Variants in SYNE2 observed in about 807,000 individuals in gnomAD.
SYNE2 encodes nesprin-2.
In SYNE2, 431 loss-of-function variants were observed where a neutral mutation model predicts 856.3. The observed-to-expected ratio is 0.50, with a 90% CI of 0.47 to 0.55. The LOEUF is 0.55. Among genes scored for constraint, SYNE2 ranks in the 20% least tolerant of loss-of-function variants. The pLI is 0.00. For missense variants in SYNE2, 8,129 were observed against 8,023.2 expected (o/e 1.01, Z -0.50); for synonymous variants, 2,923 against 2,872.3 (o/e 1.02, Z -0.56).
chr14:64,032,905 C>T (rs2097052436), intron 45 of SYNE2, among the ~76,000 whole-genome samples: 1 of 152,192 alleles, frequency 6.6e-6, no homozygotes, highest in Non-Finnish European at 1.5e-5. Flanking sequence ...TAGTGGCTCA[C>T]ACCACTAATC....
intron 96 of SYNE2, among the ~76,000 whole-genome samples, chr14:64,180,797 C>A (rs2098454329): frequency 6.6e-6 from 1 of 152,188 alleles, no homozygotes; most frequent in Middle Eastern, 3.2e-3. Context: ...AGCCACCACA[C>A]CTGGCTTATT....
At chr14:63,810,879 T>A (rs1888589692) in intron 1 of SYNE2, among the ~76,000 whole-genome samples, 1 of 152,144 alleles carries the variant, frequency 6.6e-6, no homozygotes. Context: ...CTGTTGCCCA[T>A]GCTGGAGTGC....
At chr14:64,048,325 T>TC in intron 46 of SYNE2, 170 bp downstream of exon 46, 2 of 546,458 alleles carry the variant, frequency 3.7e-6, no homozygotes, top group East Asian at 3.1e-5. Flanking sequence ...GTTGTATAAA[T>TC]CTTTCCATTT....
intron 1 of SYNE2, among the ~76,000 whole-genome samples, chr14:63,796,860 A>G (rs1156435073): frequency 6.6e-6 from 1 of 152,120 alleles, no homozygotes; most frequent in Admixed American, 6.6e-5. Context: ...AAGGCAGATC[A>G]CGAGGTCAGG....
intron 1 of SYNE2, among the ~76,000 whole-genome samples, chr14:63,879,065 T>C (rs1356780212): frequency 6.6e-6 from 1 of 151,960 alleles, no homozygotes; most frequent in Non-Finnish European, 1.5e-5. Flanking sequence ...CTCAGTTGGG[T>C]GTGCTGGTAT....
chr14:63,776,171 G>A lies in SYNE2; in HGVS notation c.-305+14185G>A, dbSNP rs867152627. ...GATGAACAGGAATGTCCAGATGATG[G>A]CAAGTCTGAAACTTGCAACAATCAG... On this transcript the variant is annotated intron_variant, in intron 1 of 23. Coordinates refer to the SYNE2 transcript ENST00000674003. Among the ~76,000 whole-genome samples, 8 of 152,122 alleles carry A rather than the reference G, an allele frequency of 5.3e-5. No homozygotes were observed. In the South Asian group the frequency reaches 1.0e-3, roughly 20 times the overall value.
intron 32 of SYNE2, among the ~76,000 whole-genome samples, chr14:64,010,741 T>C (rs1205761383): frequency 6.6e-6 from 1 of 152,126 alleles, no homozygotes; most frequent in Non-Finnish European, 1.5e-5. Context: ...CCCCTCTCTG[T>C]GATTCTCCTG....
chr14:64,098,560 A>G, intron 62 of SYNE2, 187 bp from the exon 63 acceptor site: 1 of 653,984 alleles, frequency 1.5e-6, no homozygotes, highest in African/African-American at 1.8e-5. Flanking sequence ...AACAAGACCT[A>G]AGGTTTGACT....
chr14:64,057,130 A>G (rs2097277247), intron 49 of SYNE2, among the ~76,000 whole-genome samples: 1 of 152,192 alleles, frequency 6.6e-6, no homozygotes, highest in Admixed American at 6.5e-5. Context: ...GTTACAAACA[A>G]TCCAACTGTA....
chr14:63,907,262 G>A (rs747196852), intron 1 of SYNE2, among the ~76,000 whole-genome samples: 1 of 152,134 alleles, frequency 6.6e-6, no homozygotes, highest in Non-Finnish European at 1.5e-5. Context: ...ATTATTTGTT[G>A]TGCAAATGAA....
chr14:63,894,841 ACT>A (rs915611201), intron 1 of SYNE2, among the ~76,000 whole-genome samples: 1 of 152,038 alleles, frequency 6.6e-6, no homozygotes, highest in African/African-American at 2.4e-5. Flanking sequence ...TGTAGGCAAG[ACT>A]CTGTTGATTC....
rs536582935 is a variant in SYNE2 at position 64,008,200 on chromosome 14, C to T, written c.4577+978C>T. On this transcript the variant is annotated intron_variant, in intron 31 of 115. Coordinates refer to ENST00000555002, the MANE Select transcript of SYNE2 (RefSeq NM_182914.3). ...ATGTCTCCTTTGACACCTCTCCCTG[C>T]CTCCCTCTCAAGAGGACCCTTATGA... Among the ~76,000 whole-genome samples, 8 of 152,324 alleles carry T rather than the reference C, an allele frequency of 5.3e-5. 1 individual carries two copies. Among genetic ancestry groups the T allele is most frequent in the African/African-American group, 1.9e-4 (8 of 41,572 alleles).
intron 68 of SYNE2, 92 bp from the exon 69 acceptor site, chr14:64,121,920 C>T: frequency 2.0e-6 from 3 of 1,537,700 alleles, no homozygotes; most frequent in Non-Finnish European, 2.7e-6. Context: ...TAGGAACTGG[C>T]TCAAAATTAG....
rs1382382168 is a variant in SYNE2 at position 64,097,941 on chromosome 14, C to G, written c.12109-8C>G. The G allele has an allele frequency of 6.2e-7, 1 of 1,614,090 alleles. No homozygotes were observed. The highest frequency in any genetic ancestry group is 8.5e-7 in the Non-Finnish European group (1 of 1,180,032). On this transcript the variant is annotated splice_region_variant and splice_polypyrimidine_tract_variant and intron_variant, in intron 61 of 115. Coordinates refer to ENST00000555002, the MANE Select transcript of SYNE2 (RefSeq NM_182914.3). Reference sequence around the variant, plus strand: ...TCTCAAACCTATGCAAACACTCTTTCTACACAGGGAGAAATCGAACGTATG... The same window carrying G: ...TCTCAAACCTATGCAAACACTCTTTGTACACAGGGAGAAATCGAACGTATG...
chr14:63,761,946 G>A (rs1275090467), exon 1 of SYNE2: 4 of 305,222 alleles, frequency 1.3e-5, no homozygotes, highest in African/African-American at 6.6e-5. Flanking sequence ...GGAGCGGCAC[G>A]GGGTGACGCT....
At chr14:64,152,017 G>A (rs1287779940) in intron 84 of SYNE2, among the ~76,000 whole-genome samples, 1 of 152,108 alleles carries the variant, frequency 6.6e-6, no homozygotes, top group Non-Finnish European at 1.5e-5. Flanking sequence ...TTTTAAAAAT[G>A]TATCTATAAA....
Position 64,143,757 on chromosome 14 carries a change from C to A in SYNE2, c.15307-15C>A, listed in dbSNP as rs1329887273. The A allele has an allele frequency of 6.2e-7, 1 of 1,613,898 alleles. No individual in the cohort carries two copies. Among genetic ancestry groups the A allele is most frequent in the African/African-American group, 1.3e-5 (1 of 74,924 alleles). ...CATTCATGACTGCTTTGGTGTTTAA[C>A]TTTGCTTATTTTAGGAGTTTAGAAT... On this transcript the variant is annotated splice_polypyrimidine_tract_variant and intron_variant, in intron 82 of 115. Transcript: ENST00000555002.
chr14:64,125,017 AAATT>A (rs2097928610), intron 70 of SYNE2, 58 bp from the exon 71 acceptor site: 3 of 1,598,764 alleles, frequency 1.9e-6, no homozygotes, highest in Middle Eastern at 1.7e-4. Flanking sequence ...ATAAAAAAAT[AAATT>A]AATTAACATC....
At chr14:64,155,346 C>T (rs777806139) in intron 85 of SYNE2, among the ~76,000 whole-genome samples, 9 of 151,998 alleles carry the variant, frequency 5.9e-5, no homozygotes, top group African/African-American at 9.7e-5. Flanking sequence ...GAGTGAAAGA[C>T]GCCAGTCACA....
Sources: allele counts gnomAD v4.1 joint callset (sites outside exome capture counted in the v4.1 genomes callset), GRCh38; gene constraint gnomAD v4.1.1; transcripts MANE v1.5; gene names NCBI Gene and HGNC (gene_info 2026-07-23, HGNC 2026-07-21).